The following RBFOX1 variants were observed in gnomAD, a reference collection of about 807,000 sequenced individuals.
RBFOX1 encodes RNA binding fox-1 homolog 1, also known as RNA binding protein fox-1 homolog 1.
In RBFOX1, 8 loss-of-function variants were observed where a neutral mutation model predicts 57.7. The ratio of observed to expected loss-of-function variants is 0.14; its 90% CI spans 0.08 to 0.25. The LOEUF is 0.25. RBFOX1 is among the 10% of genes least tolerant of loss of function. The probability of loss-of-function intolerance (pLI) is 1.00; values close to 1 mark genes in which losing one functional copy is unlikely to be tolerated. For missense variants in RBFOX1, 611 were observed against 548.5 expected (o/e 1.11, Z -1.14); for synonymous variants, 326 against 222.4 (o/e 1.47, Z -4.15).
chr16:6,025,311 C>T (rs990948594), intron 1 of RBFOX1, among the ~76,000 whole-genome samples: 5 of 152,230 alleles, frequency 3.3e-5, no homozygotes, highest in African/African-American at 1.2e-4. Flanking sequence ...CCCACCACCA[C>T]CTACTTCGTA....
At chr16:5,681,021 C>A (rs1039348862) in intron 3 of RBFOX1, among the ~76,000 whole-genome samples, 3 of 151,862 alleles carry the variant, frequency 2.0e-5, no homozygotes, top group Non-Finnish European at 4.4e-5. Context: ...TGATGAGTTT[C>A]TAGGGAGAAT....
intron 3 of RBFOX1, among the ~76,000 whole-genome samples, chr16:5,818,218 A>G (rs141556485): frequency 1.3e-4 from 20 of 152,246 alleles, no homozygotes; most frequent in South Asian, 2.1e-4. Flanking sequence ...ATCTGACTCA[A>G]TGGTGCCTCC....
chr16:7,135,672 C>G (rs1326565011), intron 4 of RBFOX1, among the ~76,000 whole-genome samples: 5 of 152,236 alleles, frequency 3.3e-5, no homozygotes, highest in African/African-American at 9.6e-5. Flanking sequence ...GATTAATCGT[C>G]TGGTTCATTC....
intron 3 of RBFOX1, among the ~76,000 whole-genome samples, chr16:5,684,731 C>T (rs573555804): frequency 4.6e-5 from 7 of 152,160 alleles, no homozygotes; most frequent in Admixed American, 1.3e-4. Context: ...AATACATCAC[C>T]GCCTACTGTA....
At chr16:7,362,269 TTGTG>T (rs1341772064) in intron 4 of RBFOX1, among the ~76,000 whole-genome samples, 1 of 149,754 alleles carries the variant, frequency 6.7e-6, no homozygotes, top group Non-Finnish European at 1.5e-5. Context: ...TATGTGTGTT[TTGTG>T]TGTATGTTAG....
chr16:7,637,292 A>G (rs1029640086), intron 11 of RBFOX1, among the ~76,000 whole-genome samples: 2 of 152,116 alleles, frequency 1.3e-5, no homozygotes, highest in African/African-American at 4.8e-5. Context: ...AAAGAAGGAA[A>G]AAAAAGATAT....
Position 6,985,153 on chromosome 16 carries a change from C to T in RBFOX1, c.-15-66904C>T, listed in dbSNP as rs927554046. On this transcript the variant is annotated intron_variant, in intron 3 of 15. Coordinates refer to ENST00000550418, the MANE Select transcript of RBFOX1 (RefSeq NM_018723.4). The stretch of plus-strand genomic sequence containing the variant: ...CTACCCTACCCTCTTCTTTCCTCTG[C>T]CCTTCTGTAGCATAGTATGGTTTAA... Among the ~76,000 whole-genome samples the T allele has an allele frequency of 2.0e-5, 3 of 151,884 alleles. 1 individual carries two copies. The highest frequency in any genetic ancestry group is 4.9e-5 in the African/African-American group (2 of 41,190).
chr16:5,701,663 G>T (rs2051053510), intron 3 of RBFOX1, among the ~76,000 whole-genome samples: 1 of 152,022 alleles, frequency 6.6e-6, no homozygotes, highest in African/African-American at 2.4e-5. Context: ...CAAACTTCTG[G>T]CCTAAAACAA....
chr16:5,407,984 C>T (rs1043552780), intron 1 of RBFOX1, among the ~76,000 whole-genome samples: 1 of 152,256 alleles, frequency 6.6e-6, no homozygotes, highest in African/African-American at 2.4e-5. Flanking sequence ...TCTGGCCATT[C>T]TGAAATCATG....
chr16:6,661,665 A>C (rs1418454635), intron 3 of RBFOX1, among the ~76,000 whole-genome samples: 2 of 152,194 alleles, frequency 1.3e-5, no homozygotes, highest in Non-Finnish European at 2.9e-5. Flanking sequence ...CCCTGGGTGA[A>C]TGCAGGAAGC....
intron 4 of RBFOX1, among the ~76,000 whole-genome samples, chr16:7,145,521 C>A (rs1383124322): frequency 6.7e-6 from 1 of 149,638 alleles, no homozygotes; most frequent in Non-Finnish European, 1.5e-5. Flanking sequence ...TCCCCTTTTG[C>A]CATGTGATTT....
intron 1 of RBFOX1, among the ~76,000 whole-genome samples, chr16:6,060,121 GGTTTTTTTTTTTTTTTTTT>G (rs1235947681): frequency 1.3e-5 from 1 of 74,812 alleles, no homozygotes; most frequent in Non-Finnish European, 2.4e-5. Flanking sequence ...TTAGGATTAG[GGTTTTTTTTTTTTTTTTTT>G]TTTTTTTTTT....
chr16:7,045,355 C>A (rs1023458189), intron 3 of RBFOX1, among the ~76,000 whole-genome samples: 2 of 152,110 alleles, frequency 1.3e-5, no homozygotes, highest in Non-Finnish European at 2.9e-5. Context: ...AAAATAAACA[C>A]AACAAAAACA....
intron 2 of RBFOX1, among the ~76,000 whole-genome samples, chr16:6,399,285 T>C (rs2092970262): frequency 6.6e-6 from 1 of 152,214 alleles, no homozygotes; most frequent in Admixed American, 6.5e-5. Flanking sequence ...GCCATGAAGG[T>C]GTCTAACATG....
At chr16:6,345,773 A>T (rs753864251) in intron 2 of RBFOX1, among the ~76,000 whole-genome samples, 8 of 152,204 alleles carry the variant, frequency 5.3e-5, no homozygotes, top group Non-Finnish European at 5.9e-5. Context: ...TATTTTGCCA[A>T]GGTTGAGGAT....
At chr16:6,067,714 T>A (rs1438596301) in intron 1 of RBFOX1, among the ~76,000 whole-genome samples, 1 of 152,094 alleles carries the variant, frequency 6.6e-6, no homozygotes, top group Non-Finnish European at 1.5e-5. Flanking sequence ...TAAAACCAAT[T>A]TGAGGAAGAG....
chr16:5,548,583 C>T (rs746483797), intron 2 of RBFOX1, among the ~76,000 whole-genome samples: 17 of 151,882 alleles, frequency 1.1e-4, no homozygotes, highest in African/African-American at 3.4e-4. Context: ...GTTTATTTCA[C>T]GTTGCATGCC....
rs1031416053 is a variant in RBFOX1 at position 6,977,515 on chromosome 16, C to T, written c.-15-74542C>T. Among the ~76,000 whole-genome samples the T allele has an allele frequency of 1.7e-4, 26 of 152,160 alleles. 1 individual carries two copies. The South Asian group carries it at 2.1e-3, about 12-fold the overall frequency. ...CAAGTCCCAGCCTCATTTTCCAGCCCTCACTCAAAATGGAGTCACTGTAGT... is the reference window on the plus strand; with the variant it reads ...CAAGTCCCAGCCTCATTTTCCAGCCTTCACTCAAAATGGAGTCACTGTAGT... On this transcript the variant is annotated intron_variant, in intron 3 of 15. Coordinates refer to ENST00000550418, the MANE Select transcript of RBFOX1 (RefSeq NM_018723.4).
rs191270610 is a variant in RBFOX1, at chr16:5,289,519, A to G, written c.219+49414A>G. The stretch of plus-strand genomic sequence containing the variant: ...AATATTTTATACATGTAGACCTGGT[A>G]TTTTGGATAGATTTGTCTAAATCTG... On this transcript the variant is annotated intron_variant, in intron 1 of 2. Coordinates refer to the RBFOX1 transcript ENST00000585867. 2.7e-5 allele frequency: 5 copies of G among 188,332 alleles called. No individual in the cohort carries two copies. In the East Asian group the frequency reaches 6.1e-4, roughly 23 times the overall value. The allele number at this position is 188,332 out of a possible 1,614,324, so 11.7% of individuals were successfully genotyped here. A position where few individuals can be genotyped will look rare whatever the true frequency, so the allele number is the denominator to read the frequency against.
Sources: gnomAD v4.1 joint callset for allele counts (sites outside exome capture counted in the v4.1 genomes callset) on GRCh38, gnomAD v4.1.1 for gene constraint, MANE v1.5 for transcripts, NCBI Gene and HGNC (gene_info 2026-07-23, HGNC 2026-07-21) for gene names.